The following SYNPR variants were observed in gnomAD, a reference collection of about 807,000 sequenced individuals.
The protein encoded by SYNPR is synaptoporin.
SYNPR carries 23 observed loss-of-function variants against 32.9 expected under a neutral mutation model. The ratio of observed to expected loss-of-function variants is 0.70; its 90% CI spans 0.50 to 0.99. The LOEUF is 0.99. Ranked by LOEUF, SYNPR falls within the 50% of genes least tolerant of loss-of-function variation. The pLI is 0.00. For synonymous variants in SYNPR, 146 were observed against 135.9 expected, an observed-to-expected ratio of 1.07 and a Z score of -0.52; for missense variants, 318 against 349.3, an observed-to-expected ratio of 0.91 and a Z score of 0.71.
At chr3:63,295,791 G>T (rs961073730) in intron 2 of SYNPR, among the ~76,000 whole-genome samples, 1 of 152,190 alleles carries the variant, frequency 6.6e-6, no homozygotes, top group South Asian at 2.1e-4. Context: ...GAAATACTTA[G>T]AGCCATGAGA....
At chr3:63,503,455 A>T (rs1370214791) in intron 3 of SYNPR, among the ~76,000 whole-genome samples, 1 of 152,256 alleles carries the variant, frequency 6.6e-6, no homozygotes, top group Admixed American at 6.5e-5. Context: ...CTGGCAAAAT[A>T]TTGTGGCACG....
intron 2 of SYNPR, among the ~76,000 whole-genome samples, chr3:63,336,664 G>GA (rs1259545501): frequency 1.4e-5 from 2 of 144,914 alleles, no homozygotes. Context: ...AGACAACATA[G>GA]AAAAAAATCT....
Position 63,549,421 on chromosome 3 carries a change from C to G in SYNPR, c.210-7122C>G, listed in dbSNP as rs957369463. ...TGCGCAGTACTTGCCAGTGTAGGCT[C>G]CTTCTACTCTTCTTACATTCCTGAC... On this transcript the variant is annotated intron_variant, in intron 3 of 5. Transcript: ENST00000478300. 2.0e-5 allele frequency among the ~76,000 whole-genome samples: 3 copies of G among 152,080 alleles called. No individual in the cohort carries two copies. The East Asian group carries it at 5.8e-4, about 29-fold the overall frequency.
At chr3:63,394,107 C>T (rs2088179525) in intron 2 of SYNPR, among the ~76,000 whole-genome samples, 1 of 152,100 alleles carries the variant, frequency 6.6e-6, no homozygotes, top group African/African-American at 2.4e-5. Flanking sequence ...CAGGTGGTAG[C>T]ACTAATATAT....
chr3:63,575,106 C>T (rs1468993793), intron 4 of SYNPR, among the ~76,000 whole-genome samples: 2 of 152,036 alleles, frequency 1.3e-5, no homozygotes, highest in African/African-American at 4.8e-5. Context: ...GAAGCAGGTG[C>T]AAGCACTTCA....
At chr3:63,256,134 C>T (rs1032251698) in intron 2 of SYNPR, among the ~76,000 whole-genome samples, 1 of 152,342 alleles carries the variant, frequency 6.6e-6, no homozygotes, top group African/African-American at 2.4e-5. Flanking sequence ...GTAGGCTCCA[C>T]CTCTGGGGGC....
chr3:63,259,754 T>C (rs1057105625), intron 2 of SYNPR, among the ~76,000 whole-genome samples: 35 of 152,132 alleles, frequency 2.3e-4, no homozygotes, highest in Non-Finnish European at 4.1e-4. Context: ...AAATAAAGGA[T>C]ATTCAATTAG....
chr3:63,298,810 G>A (rs572465648), intron 2 of SYNPR, among the ~76,000 whole-genome samples: 4 of 152,272 alleles, frequency 2.6e-5, no homozygotes, highest in African/African-American at 7.2e-5. Flanking sequence ...GATCTAAAAT[G>A]TTGGCAACTG....
At chr3:63,320,815 G>T (rs938777590) in intron 2 of SYNPR, among the ~76,000 whole-genome samples, 71 of 152,120 alleles carry the variant, frequency 4.7e-4, no homozygotes, top group African/African-American at 1.5e-3. Flanking sequence ...TCTTAGTTTT[G>T]TGATTTACTA....
intron 2 of SYNPR, among the ~76,000 whole-genome samples, chr3:63,310,079 C>G (rs1223047595): frequency 6.6e-6 from 1 of 151,832 alleles, no homozygotes; most frequent in Non-Finnish European, 1.5e-5. Context: ...GAGCTACCCC[C>G]TACCAAGCCC....
chr3:63,254,581 C>T (rs959586259), intron 2 of SYNPR, among the ~76,000 whole-genome samples: 1 of 152,082 alleles, frequency 6.6e-6, no homozygotes, highest in Non-Finnish European at 1.5e-5. Flanking sequence ...AGGTTTTAGA[C>T]AAGGGTCTTG....
intron 2 of SYNPR, among the ~76,000 whole-genome samples, chr3:63,345,616 C>T (rs1212058838): frequency 1.3e-5 from 2 of 152,144 alleles, no homozygotes; most frequent in Admixed American, 1.3e-4. Context: ...CCTAGCCTCT[C>T]TTCTCCTGCT....
At chr3:63,499,807 T>C (rs1023062135) in intron 3 of SYNPR, among the ~76,000 whole-genome samples, 1 of 152,040 alleles carries the variant, frequency 6.6e-6, no homozygotes, top group Admixed American at 6.6e-5. Context: ...ACTAACCTAT[T>C]TGAAATAAAT....
chr3:63,291,601 A>G (rs1023449419), intron 2 of SYNPR, among the ~76,000 whole-genome samples: 4 of 117,214 alleles, frequency 3.4e-5, no homozygotes, highest in Non-Finnish European at 7.4e-5. Context: ...AGATTCATGG[A>G]TTCTATTTTG....
chr3:63,549,508 A>C (rs1437117365), intron 3 of SYNPR, among the ~76,000 whole-genome samples: 3 of 152,140 alleles, frequency 2.0e-5, no homozygotes, highest in African/African-American at 7.2e-5. Context: ...TCCAAGCCTC[A>C]GTTTCCTCCT....
At chr3:63,384,602 T>C (rs985781525) in intron 2 of SYNPR, among the ~76,000 whole-genome samples, 12 of 152,182 alleles carry the variant, frequency 7.9e-5, no homozygotes, top group African/African-American at 2.9e-4. Context: ...CAGTTCATGA[T>C]AGTTAAAAGA....
At chr3:63,601,999 T>A (rs1700052225) in intron 4 of SYNPR, among the ~76,000 whole-genome samples, 1 of 152,128 alleles carries the variant, frequency 6.6e-6, no homozygotes, top group East Asian at 1.9e-4. Flanking sequence ...CATCTGTTTT[T>A]TTGTTTTGTT....
At chr3:63,389,627 A>G (rs1034064747) in intron 2 of SYNPR, among the ~76,000 whole-genome samples, 14 of 152,190 alleles carry the variant, frequency 9.2e-5, no homozygotes, top group African/African-American at 3.4e-4. Flanking sequence ...GAGACACCCC[A>G]TCAGCCCCTT....
chr3:63,345,055 A>T lies in SYNPR; in HGVS notation c.84+66313A>T, dbSNP rs75187259. Among the ~76,000 whole-genome samples the T allele has an allele frequency of 3.0e-3, 458 of 152,330 alleles. 2 individuals carry two copies. The highest frequency in any genetic ancestry group is 0.011 in the African/African-American group (445 of 41,586). On this transcript the variant is annotated intron_variant, in intron 2 of 5. Coordinates refer to ENST00000478300, the MANE Select transcript of SYNPR (RefSeq NM_001130003.2). The stretch of plus-strand genomic sequence containing the variant: ...GTCTTAGAATACTGATGTTATCTAA[A>T]GGGACAATTAGGCAAATTACAAATC...
Sources: gnomAD v4.1 joint callset for allele counts (sites outside exome capture counted in the v4.1 genomes callset) on GRCh38, gnomAD v4.1.1 for gene constraint, MANE v1.5 for transcripts, NCBI Gene and HGNC (gene_info 2026-07-23, HGNC 2026-07-21) for gene names.